The following FOXP1 variants were observed in gnomAD, a reference collection of about 807,000 sequenced individuals.
FOXP1 encodes the protein forkhead box protein P1.
In FOXP1, 15 loss-of-function variants were observed where a neutral mutation model predicts 98.2. The ratio of observed to expected loss-of-function variants is 0.15; its 90% CI spans 0.10 to 0.24. FOXP1 has a LOEUF of 0.24. Among genes scored for constraint, FOXP1 ranks in the 10% least tolerant of loss-of-function variants. The pLI is 1.00. For missense variants in FOXP1, 633 were observed against 848.5 expected, an observed-to-expected ratio of 0.75 and a Z score of 3.15; for synonymous variants, 371 against 314.5, an observed-to-expected ratio of 1.18 and a Z score of -1.90.
chr3:71,388,187 T>C (rs1339521681), intron 3 of FOXP1, among the ~76,000 whole-genome samples: 1 of 152,246 alleles, frequency 6.6e-6, no homozygotes, highest in Non-Finnish European at 1.5e-5. Context: ...ATTTAAAGAA[T>C]GGCCTCTATA....
At chr3:71,564,774 T>C (rs1472310359) in intron 2 of FOXP1, among the ~76,000 whole-genome samples, 1 of 152,230 alleles carries the variant, frequency 6.6e-6, no homozygotes, top group African/African-American at 2.4e-5. Flanking sequence ...TTTGGGGAAG[T>C]TATTTCCATA....
rs142501892 is a variant in FOXP1 at position 71,176,408 on chromosome 3, G to A, written c.180+21794C>T. 1.1e-4 allele frequency among the ~76,000 whole-genome samples: 16 copies of A among 152,286 alleles called. No individual in the cohort carries two copies. The East Asian group carries it at 3.1e-3, about 29-fold the overall frequency. The stretch of plus-strand genomic sequence containing the variant: ...AACCCAGATTTCCGCGTTCTTAGAA[G>A]CAATACTTCCATCCCCCTGACCAGT... On this transcript the variant is annotated intron_variant, in intron 6 of 20. Transcript: ENST00000649528.
chr3:71,181,175 T>C (rs2062267930), intron 6 of FOXP1, among the ~76,000 whole-genome samples: 1 of 152,044 alleles, frequency 6.6e-6, no homozygotes, highest in Non-Finnish European at 1.5e-5. Context: ...TGACCCAAGA[T>C]GATTGGATTT....
chr3:71,118,320 G>A (rs566063982), intron 6 of FOXP1, among the ~76,000 whole-genome samples: 3 of 152,266 alleles, frequency 2.0e-5, no homozygotes, highest in East Asian at 1.9e-4. Flanking sequence ...TTACATAAGC[G>A]TGTTTACAAC....
chr3:71,131,590 A>C (rs1390172480), intron 6 of FOXP1, among the ~76,000 whole-genome samples: 1 of 152,192 alleles, frequency 6.6e-6, no homozygotes, highest in Non-Finnish European at 1.5e-5. Context: ...GGATGTTTAC[A>C]TAGGCCCCAA....
At chr3:71,364,894 A>G (rs13072512) in intron 3 of FOXP1, among the ~76,000 whole-genome samples, 64,665 of 152,186 alleles carry the variant, frequency 0.42, 16,383 homozygotes, top group East Asian at 0.76. Context: ...CTGTGTATAT[A>G]TAAGATATTT....
intron 5 of FOXP1, among the ~76,000 whole-genome samples, chr3:71,236,472 G>A (rs556353914): frequency 6.6e-6 from 1 of 152,172 alleles, no homozygotes; most frequent in Non-Finnish European, 1.5e-5. Context: ...TGTCTACAGA[G>A]ATATCATGTA....
rs145068448 is a variant in FOXP1, at chr3:71,214,648, G to A, written c.-11-16256C>T. On this transcript the variant is annotated intron_variant, in intron 5 of 20. Coordinates refer to ENST00000649528, the MANE Select transcript of FOXP1 (RefSeq NM_001349338.3). ...TTACTAGTCTTCTTCACCTGTAAAC[G>A]GAGACAACAGGGCTCCTAATAACGA... 1.7e-3 allele frequency among the ~76,000 whole-genome samples: 264 copies of A among 152,214 alleles called. 3 individuals are homozygous for A. The highest frequency in any genetic ancestry group is 5.8e-3 in the African/African-American group (239 of 41,532).
intron 20 of FOXP1, among the ~76,000 whole-genome samples, chr3:70,959,759 A>ATACTT (rs2032812159): frequency 6.6e-6 from 1 of 152,034 alleles, no homozygotes; most frequent in Admixed American, 6.5e-5. Flanking sequence ...GGCATTTCTC[A>ATACTT]TACTTTAACA....
intron 2 of FOXP1, among the ~76,000 whole-genome samples, chr3:71,573,262 G>A (rs547975080): frequency 1.3e-5 from 2 of 152,244 alleles, no homozygotes; most frequent in East Asian, 3.9e-4. Flanking sequence ...GGAAAAATAT[G>A]CAAGAAGCAT....
At chr3:71,143,977 T>G (rs2060189236) in intron 6 of FOXP1, among the ~76,000 whole-genome samples, 1 of 152,104 alleles carries the variant, frequency 6.6e-6, no homozygotes, top group Non-Finnish European at 1.5e-5. Flanking sequence ...CCATCTAACC[T>G]CTGATGAAAA....
chr3:71,041,950 TAA>T (rs942006910), intron 10 of FOXP1, among the ~76,000 whole-genome samples: 2 of 152,228 alleles, frequency 1.3e-5, no homozygotes, highest in African/African-American at 2.4e-5. Flanking sequence ...TTTTTGTGCT[TAA>T]GTCTTAAATG....
chr3:71,434,988 T>C (rs1031280891), intron 3 of FOXP1, among the ~76,000 whole-genome samples: 3 of 151,854 alleles, frequency 2.0e-5, no homozygotes, highest in Non-Finnish European at 4.4e-5. Flanking sequence ...AGGTATTAGA[T>C]GGCCATTTCA....
intron 2 of FOXP1, among the ~76,000 whole-genome samples, chr3:71,561,646 C>T (rs566046922): frequency 2.6e-5 from 4 of 152,164 alleles, no homozygotes; most frequent in Admixed American, 6.5e-5. Flanking sequence ...ATTACAACAG[C>T]GCTGGCACTC....
intron 3 of FOXP1, among the ~76,000 whole-genome samples, chr3:71,480,089 A>G (rs1055660899): frequency 1.3e-5 from 2 of 152,152 alleles, no homozygotes; most frequent in African/African-American, 4.8e-5. Flanking sequence ...CCAGCTACTC[A>G]GGAGGCTAAC....
At chr3:71,168,759 G>A (rs968760027) in intron 6 of FOXP1, among the ~76,000 whole-genome samples, 1 of 152,134 alleles carries the variant, frequency 6.6e-6, no homozygotes, top group Non-Finnish European at 1.5e-5. Context: ...GCCAGTGCTG[G>A]AAAACTTTTT....
intron 12 of FOXP1, among the ~76,000 whole-genome samples, chr3:71,011,966 T>C (rs1240959886): frequency 6.6e-6 from 1 of 152,150 alleles, no homozygotes; most frequent in East Asian, 1.9e-4. Flanking sequence ...GATAATCTTC[T>C]AATAAATATA....
At chr3:71,115,737 CTTTT>C (rs5849989) in intron 6 of FOXP1, among the ~76,000 whole-genome samples, 39 of 116,074 alleles carry the variant, frequency 3.4e-4, no homozygotes, top group African/African-American at 1.1e-3. Flanking sequence ...CAAAACTATT[CTTTT>C]TTTTTTTTTT....
chr3:71,182,538 A>C (rs201054598), intron 6 of FOXP1, among the ~76,000 whole-genome samples: 1 of 86,600 alleles, frequency 1.2e-5, no homozygotes, highest in African/African-American at 4.9e-5. Context: ...GTGTGTATAT[A>C]TGTATATATT....
Sources: allele counts gnomAD v4.1 joint callset (sites outside exome capture counted in the v4.1 genomes callset), GRCh38; gene constraint gnomAD v4.1.1; transcripts MANE v1.5; gene names NCBI Gene and HGNC (gene_info 2026-07-23, HGNC 2026-07-21).